The following ZNF559 variants were observed in gnomAD, a reference collection of about 807,000 sequenced individuals.
ZNF559 encodes the protein zinc finger protein 559.
In ZNF559, 17 loss-of-function variants were observed where a neutral mutation model predicts 14.2. The ratio of observed to expected loss-of-function variants is 1.20; its 90% CI spans 0.82 to 1.80. The LOEUF is 1.80. Among genes scored for constraint, ZNF559 ranks in the 40% most tolerant of loss-of-function variants. The pLI, the probability that ZNF559 is intolerant of heterozygous loss-of-function variation, is 0.00. For synonymous variants in ZNF559, 244 were observed against 212.4 expected (o/e 1.15, Z -1.29); for missense variants, 740 against 629.7 (o/e 1.18, Z -1.88).
At chr19:9,337,949 G>A (rs1443243360) in intron 3 of ZNF559, 91 bp downstream of exon 3, 4 of 1,535,998 alleles carry the variant, frequency 2.6e-6, no homozygotes, top group South Asian at 1.2e-5. Flanking sequence ...GAGACTTTGG[G>A]AACAAGATAT....
At chr19:9,331,055 T>G (rs2066912418) in intron 2 of ZNF559, among the ~76,000 whole-genome samples, 1 of 152,158 alleles carries the variant, frequency 6.6e-6, no homozygotes, top group South Asian at 2.1e-4. Context: ...TCTCTCTCTC[T>G]CCACAGAAAA....
chr19:9,334,607 CAT>C (rs1036723447), intron 2 of ZNF559, among the ~76,000 whole-genome samples: 20 of 152,278 alleles, frequency 1.3e-4, no homozygotes, highest in African/African-American at 2.2e-4. Context: ...TTAGATGTGT[CAT>C]GTGTGCATCA....
At chr19:9,340,747 T>G (rs1379242788) in intron 5 of ZNF559, among the ~76,000 whole-genome samples, 1 of 149,184 alleles carries the variant, frequency 6.7e-6, no homozygotes, top group Non-Finnish European at 1.5e-5. Flanking sequence ...TTTTTTTTTT[T>G]TTGTATTTTA....
rs1276236879 is a variant in ZNF559, at chr19:9,344,860, A to G, written c.*1792A>G. The stretch of plus-strand genomic sequence containing the variant: ...CAGGTTCTTTCAGTAAGTTTGAGAT[A>G]TAATTGCCATGTAATAAACTGCACA... On this transcript the variant is annotated 3_prime_UTR_variant, in exon 7 of 7. Transcript: ENST00000603380. The G allele has an allele frequency of 6.6e-6, 1 of 152,218 alleles. No homozygotes were observed. The highest frequency in any genetic ancestry group is 1.9e-4 in the East Asian group (1 of 5,198). The allele number at this position is 152,218 out of a possible 1,614,324, so 9.4% of individuals were successfully genotyped here.
At chr19:9,325,786 C>CAAA (rs35775585) in intron 2 of ZNF559, among the ~76,000 whole-genome samples, 1 of 139,152 alleles carries the variant, frequency 7.2e-6, no homozygotes, top group Non-Finnish European at 1.6e-5. Flanking sequence ...ACTCCGTCTC[C>CAAA]AAAAAAAAAA....
At position 9,341,790 on chromosome 19, in the gene ZNF559, C is replaced by T. The variant is rs769798389; in HGVS notation, c.339C>T (p.Tyr113=). 2 of 1,608,648 alleles carry T rather than the reference C, an allele frequency of 1.2e-6. No individual in the cohort carries two copies. The highest frequency in any genetic ancestry group is 2.7e-5 in the African/African-American group (2 of 74,500). The part of the protein sequence containing the change: ...HSCLKTHRRT[Y]FRKKTCECNQ... Reference sequence around the variant, plus strand: ...GCCTTAAGACTCACAGGAGAACTTACTTTAGAAAGAAAACCTGTGAGTGTA... The same window carrying T: ...GCCTTAAGACTCACAGGAGAACTTATTTTAGAAAGAAAACCTGTGAGTGTA... Residue 113 remains tyrosine, a synonymous_variant, in exon 7 of 7, where the codon TAC becomes TAT. Transcript: ENST00000603380.
chr19:9,327,252 T>G (rs1381830940), intron 2 of ZNF559, among the ~76,000 whole-genome samples: 12 of 133,860 alleles, frequency 9.0e-5, no homozygotes, highest in Admixed American at 5.3e-4. Context: ...TTTTTTTTTG[T>G]TTTTGTTTTT....
chr19:9,342,521 A>C lies in ZNF559; in HGVS notation c.1070A>C (p.Glu357Ala), dbSNP rs2067630009. The C allele has an allele frequency of 1.2e-6, 2 of 1,614,038 alleles. No homozygotes were observed. Among genetic ancestry groups the C allele is most frequent in the African/African-American group, 2.7e-5 (2 of 74,930 alleles). The change falls in exon 7 of 7, where the codon GAA becomes GCA. Residue 357 changes from glutamate (E) to alanine (A), a missense_variant. Transcript: ENST00000603380. ...GGAGAAAAGCCTTATGAATGTAAGG[A>C]ATGTGGGAAAGCTTTTGCTAACTCT... ...HTGEKPYECKECGKAFANSSH... is the reference protein window; with the variant it reads ...HTGEKPYECKACGKAFANSSH...
At position 9,337,854 on chromosome 19, in the gene ZNF559, T is replaced by G. The variant is rs554404824; in HGVS notation, c.-61T>G. ...TGAGTAATGCCTGTTGCTGAAAGATTGACGGTATGAGGCAAGACTCCCACT... is the reference window on the plus strand; with the variant it reads ...TGAGTAATGCCTGTTGCTGAAAGATGGACGGTATGAGGCAAGACTCCCACT... On this transcript the variant is annotated 5_prime_UTR_variant, in exon 3 of 7. It adds an upstream start codon to the 5' untranslated region. Transcript: ENST00000603380. The G allele has an allele frequency of 1.1e-4, 172 of 1,498,784 alleles. No individual in the cohort carries two copies. The highest frequency in any genetic ancestry group is 1.5e-4 in the Non-Finnish European group (168 of 1,127,110). 92.8% of individuals were successfully genotyped at this position (1,498,784 alleles called of 1,614,324 possible). A position where few individuals can be genotyped will look rare whatever the true frequency, so the allele number is the denominator to read the frequency against.
intron 1 of ZNF559, 169 bp from the exon 2 acceptor site, chr19:9,324,526 C>T (rs977515975): frequency 5.8e-5 from 74 of 1,273,504 alleles, no homozygotes; most frequent in Non-Finnish European, 7.2e-5. Context: ...GGCGCGGCGG[C>T]TCACGCCTGT....
In ZNF559 at chr19:9,342,314, T is replaced by C. The variant is rs769268948; in HGVS notation, c.863T>C (p.Ile288Thr). ...FAFSPDLAKH[I>T]RLRTRGKHYV... ...TTTTCCCCAGATCTTGCTAAACATA[T>C]AAGACTTAGAACTAGAGGAAAACAC... The change falls in exon 7 of 7, where the codon ATA (isoleucine) becomes ACA (threonine). Residue 288 changes from isoleucine to threonine, a missense_variant. Transcript: ENST00000603380. The C allele has an allele frequency of 5.0e-6, 8 of 1,597,324 alleles. No individual in the cohort carries two copies. The highest frequency in any genetic ancestry group is 3.6e-5 in the Admixed American group (2 of 56,136).
intron 2 of ZNF559, among the ~76,000 whole-genome samples, chr19:9,331,640 A>AT (rs1379678057): frequency 6.6e-6 from 1 of 152,188 alleles, no homozygotes; most frequent in Non-Finnish European, 1.5e-5. Flanking sequence ...AGAAGGGCTG[A>AT]TGAGGGTAAG....
Position 9,343,475 on chromosome 19 carries a change from A to G in ZNF559, c.*407A>G, listed in dbSNP as rs1261038979. ...ATATAAATGCACGTCCTCTGGCTGT[A>G]AGGAATGTGTTGAAACCTTTCACTC... On this transcript the variant is annotated 3_prime_UTR_variant, in exon 7 of 7. Coordinates refer to ENST00000603380, the MANE Select transcript of ZNF559 (RefSeq NM_032497.3). 1.9e-6 allele frequency: 2 copies of G among 1,030,824 alleles called. No individual in the cohort carries two copies. Among genetic ancestry groups the G allele is most frequent in the African/African-American group, 1.7e-5 (1 of 59,052 alleles). 63.9% of individuals were successfully genotyped at this position (1,030,824 alleles called of 1,614,324 possible). A position where few individuals can be genotyped will look rare whatever the true frequency, so the allele number is the denominator to read the frequency against.
rs1349387618 is a variant in ZNF559 at position 9,324,228 on chromosome 19, G to A, written c.-206G>A. Reference sequence around the variant, plus strand: ...ACAGCGCGTTCCCGTTGGCGTCTGAGGTAAGTTTTTGTTTCTGGGCGGCGT... The same window carrying A: ...ACAGCGCGTTCCCGTTGGCGTCTGAAGTAAGTTTTTGTTTCTGGGCGGCGT... On this transcript the variant is annotated splice_region_variant and 5_prime_UTR_variant, in exon 1 of 7. Transcript: ENST00000603380. The A allele has an allele frequency of 6.5e-7, 1 of 1,536,098 alleles. No individual in the cohort carries two copies. Among genetic ancestry groups the A allele is most frequent in the East Asian group, 2.4e-5 (1 of 40,896 alleles).
chr19:9,327,367 C>A (rs2066675649), intron 2 of ZNF559, among the ~76,000 whole-genome samples: 1 of 152,158 alleles, frequency 6.6e-6, no homozygotes, highest in Non-Finnish European at 1.5e-5. Context: ...CCTGTCTCAG[C>A]CTTCTGGGTA....
At position 9,342,146 on chromosome 19, in the gene ZNF559, T is replaced by A. The variant is rs774484996; in HGVS notation, c.695T>A (p.Met232Lys). 6.2e-7 allele frequency: 1 copy of A among 1,613,382 alleles called. No individual in the cohort carries two copies. The highest frequency in any genetic ancestry group is 8.5e-7 in the Non-Finnish European group (1 of 1,179,796). Reference sequence around the variant, plus strand: ...CATTCTACAGCCCTTTTTGTACACATGCAAACTCAAGATGGAGAAAAATTC... The same window carrying A: ...CATTCTACAGCCCTTTTTGTACACAAGCAAACTCAAGATGGAGAAAAATTC... ...FSHSTALFVH[M>K]QTQDGEKFYE... Residue 232 changes from methionine (M) to lysine (K), a missense_variant, in exon 7 of 7, where the codon ATG becomes AAG. Met to Lys is a moderately conservative substitution (Grantham distance 95). Transcript: ENST00000603380.
At position 9,343,912 on chromosome 19, in the gene ZNF559, TTTCCCCCATTTGTCACTACTACAC is replaced by T. The variant is rs1599362034; in HGVS notation, c.*850_*873del. The T allele has an allele frequency of 1.4e-6, 1 of 697,754 alleles. No homozygotes were observed. The highest frequency in any genetic ancestry group is 1.3e-4 in the East Asian group (1 of 7,512). 43.2% of individuals were successfully genotyped at this position (697,754 alleles called of 1,614,324 possible). A position where few individuals can be genotyped will look rare whatever the true frequency, so the allele number is the denominator to read the frequency against. On this transcript the variant is annotated 3_prime_UTR_variant, in exon 7 of 7. Transcript: ENST00000603380. ...TCTTTATTATTGAGGAGTTCCACTC[TTTCCCCCATTTGTCACTACTACAC>T]TTCCCTAGTCTTTAAAACAATTTTA... is the stretch of plus-strand genomic sequence containing the variant.
intron 5 of ZNF559, among the ~76,000 whole-genome samples, chr19:9,340,567 T>TTA (rs1555730376): frequency 1.3e-5 from 1 of 75,780 alleles, no homozygotes; most frequent in African/African-American, 5.9e-5. Flanking sequence ...TCTCTGTCTC[T>TTA]AAAAAAAAAA....
intron 2 of ZNF559, among the ~76,000 whole-genome samples, chr19:9,329,041 T>A (rs565861570): frequency 6.6e-6 from 1 of 152,208 alleles, no homozygotes; most frequent in Admixed American, 6.5e-5. Context: ...ACTGCTTTGT[T>A]CTTTTTGTGG....
Sources: allele counts gnomAD v4.1 joint callset (sites outside exome capture counted in the v4.1 genomes callset), GRCh38; gene constraint gnomAD v4.1.1; transcripts MANE v1.5; gene names NCBI Gene and HGNC (gene_info 2026-07-23, HGNC 2026-07-21).